The following NVL variants were observed in gnomAD, a reference collection of about 807,000 sequenced individuals.
NVL encodes nuclear valosin-containing protein-like.
A neutral mutation model predicts 110.2 loss-of-function variants in NVL; 84 were observed. That is an observed-to-expected ratio of 0.76 (90% CI 0.64 to 0.91). The LOEUF is 0.91. Among genes scored for constraint, NVL ranks in the 40% least tolerant of loss-of-function variants. The probability of loss-of-function intolerance (pLI) is 0.00; values close to 1 mark genes in which losing one functional copy is unlikely to be tolerated. For synonymous variants in NVL, 354 were observed against 361.1 expected, an observed-to-expected ratio of 0.98 and a Z score of 0.22; for missense variants, 882 against 1,035.9, an observed-to-expected ratio of 0.85 and a Z score of 2.04.
At chr1:224,231,335 G>T in intron 21 of NVL, 39 bp from the exon 22 acceptor site, 1 of 1,501,364 alleles carries the variant, frequency 6.7e-7, no homozygotes, top group Non-Finnish European at 9.2e-7. Context: ...TCTCAGTATC[G>T]TATGGTAACT....
At chr1:224,240,709 T>G (rs2102722999) in intron 19 of NVL, among the ~76,000 whole-genome samples, 1 of 152,202 alleles carries the variant, frequency 6.6e-6, no homozygotes, top group East Asian at 1.9e-4. Context: ...AGTTTCCTAA[T>G]TCTTAGAAGA....
Position 224,303,735 on chromosome 1 carries a change from A to G in NVL, c.948T>C (p.His316=), listed in dbSNP as rs747799362. The G allele has an allele frequency of 5.6e-6, 9 of 1,612,250 alleles. No individual in the cohort carries two copies. In the Admixed American group the frequency reaches 1.5e-4, roughly 27 times the overall value. Residue 316 remains histidine, a synonymous_variant, in exon 9 of 23, where the codon CAT becomes CAC. Coordinates refer to ENST00000281701, the MANE Select transcript of NVL (RefSeq NM_002533.4). ...PPGCGKTLLA[H]AIAGELDLPI... Reference sequence around the variant, plus strand: ...CAGCAAGCCTCACCCCAGCAATTGCATGTGCAAGTAATGTCTTCCCACAGC... The same window carrying G: ...CAGCAAGCCTCACCCCAGCAATTGCGTGTGCAAGTAATGTCTTCCCACAGC...
At chr1:224,319,341 T>C (rs947400582) in intron 2 of NVL, among the ~76,000 whole-genome samples, 17 of 151,616 alleles carry the variant, frequency 1.1e-4, no homozygotes, top group Non-Finnish European at 2.1e-4. Flanking sequence ...GGAGTCTCGC[T>C]CTGTGGCCCA....
Position 224,330,053 on chromosome 1 carries a change from G to A in NVL, c.57+18C>T, listed in dbSNP as rs764308442. On this transcript the variant is annotated intron_variant, in intron 1 of 22. Coordinates refer to ENST00000281701, the MANE Select transcript of NVL (RefSeq NM_002533.4). ...CGATCGGGGCCCTTGGCGAGGCCAA[G>A]CGGTGCAGAATACACACCTGGATGA... is the stretch of plus-strand genomic sequence containing the variant. 6.8e-6 allele frequency: 11 copies of A among 1,613,114 alleles called. No homozygotes were observed. Among genetic ancestry groups the A allele is most frequent in the South Asian group, 1.1e-5 (1 of 90,998 alleles).
At chr1:224,315,073 A>AAAAAAAGTGAGT (rs1168783220) in intron 4 of NVL, among the ~76,000 whole-genome samples, 1 of 137,752 alleles carries the variant, frequency 7.3e-6, no homozygotes, top group Non-Finnish European at 1.6e-5. Context: ...TTTTTTTTTT[A>AAAAAAAGTGAGT]GAGACAAGGC....
At chr1:224,302,981 T>C (rs1339519304) in intron 9 of NVL, 1 of 275,500 alleles carries the variant, frequency 3.6e-6, no homozygotes, top group Non-Finnish European at 7.3e-6. Flanking sequence ...CCTGGGAAGT[T>C]GAGGCTGTAG....
intron 9 of NVL, chr1:224,302,876 C>T (rs1249561400): frequency 1.0e-5 from 3 of 300,842 alleles, no homozygotes; most frequent in African/African-American, 2.3e-5. Flanking sequence ...TAGTGGGCTT[C>T]GTCTCTACAA....
At chr1:224,243,187 G>C (rs1349224930) in intron 19 of NVL, among the ~76,000 whole-genome samples, 1 of 151,930 alleles carries the variant, frequency 6.6e-6, no homozygotes, top group African/African-American at 2.4e-5. Context: ...AGGGCCGGGT[G>C]TAGTGGCTCA....
intron 19 of NVL, among the ~76,000 whole-genome samples, chr1:224,237,234 T>G (rs1325009172): frequency 2.0e-5 from 3 of 152,212 alleles, no homozygotes; most frequent in African/African-American, 7.2e-5. Flanking sequence ...CAATGCTTAG[T>G]GTTGGTGTGA....
At chr1:224,320,251 T>C (rs1670508849) in intron 2 of NVL, among the ~76,000 whole-genome samples, 1 of 152,176 alleles carries the variant, frequency 6.6e-6, no homozygotes, top group East Asian at 1.9e-4. Context: ...GGTTATATAA[T>C]AAAAGCCTTT....
intron 18 of NVL, among the ~76,000 whole-genome samples, chr1:224,265,634 C>T (rs988848567): frequency 2.0e-5 from 3 of 152,288 alleles, no homozygotes; most frequent in African/African-American, 7.2e-5. Context: ...CCAAATTTCA[C>T]GTGTTGGAAA....
At position 224,304,262 on chromosome 1, in the gene NVL, T is replaced by C. The variant is rs564658936; in HGVS notation, c.826-405A>G. On this transcript the variant is annotated intron_variant, in intron 8 of 22. Coordinates refer to ENST00000281701, the MANE Select transcript of NVL (RefSeq NM_002533.4). ...CAACATGGTGAAGCCCTGTCTCTAC[T>C]AAAAATACAAAAATTAGCTGGGCGT... is the stretch of plus-strand genomic sequence containing the variant. 4.6e-3 allele frequency among the ~76,000 whole-genome samples: 705 copies of C among 152,034 alleles called. 32 individuals carry two copies. Among genetic ancestry groups the C allele is most frequent in the Non-Finnish European group, 5.3e-4 (36 of 67,982 alleles).
rs1294212833 is a variant in NVL, at chr1:224,306,344, G to T, written c.616-1178C>A. On this transcript the variant is annotated intron_variant, in intron 6 of 22. Transcript: ENST00000281701. Reference sequence around the variant, plus strand: ...TGCAGTGGCACGATCTCAGCGCACTGCAAGCTCCGCCTGCCGGGTTCACGT... The same window carrying T: ...TGCAGTGGCACGATCTCAGCGCACTTCAAGCTCCGCCTGCCGGGTTCACGT... Among the ~76,000 whole-genome samples the T allele has an allele frequency of 2.0e-5, 3 of 152,070 alleles. No homozygotes were observed. The East Asian group carries it at 5.8e-4, about 29-fold the overall frequency.
intron 9 of NVL, among the ~76,000 whole-genome samples, chr1:224,301,071 A>C (rs896145327): frequency 6.6e-6 from 1 of 151,020 alleles, no homozygotes; most frequent in Non-Finnish European, 1.5e-5. Flanking sequence ...GCGCCATTGC[A>C]CTCCAGCCTG....
At position 224,330,164 on chromosome 1, in the gene NVL, C is replaced by G; in HGVS notation, c.-37G>C. 1 of 1,611,174 alleles carries G rather than the reference C, an allele frequency of 6.2e-7. No homozygotes were observed. The highest frequency in any genetic ancestry group is 8.5e-7 in the Non-Finnish European group (1 of 1,177,400). On this transcript the variant is annotated 5_prime_UTR_variant, in exon 1 of 23. Transcript: ENST00000281701. ...TCCAAGCCACAGCTCGGACCGCCAG[C>G]TCCTAGTCAACCGGGGGCCTCGTAG...
intron 15 of NVL, among the ~76,000 whole-genome samples, chr1:224,282,229 C>G (rs1019458526): frequency 3.3e-5 from 5 of 151,960 alleles, no homozygotes; most frequent in African/African-American, 1.2e-4. Flanking sequence ...CCACGCTCAG[C>G]TAATTTTTGT....
rs899005582 is a variant in NVL at position 224,286,271 on chromosome 1, T to C, written c.1795-141A>G. On this transcript the variant is annotated intron_variant, in intron 14 of 22. Coordinates refer to ENST00000281701, the MANE Select transcript of NVL (RefSeq NM_002533.4). ...ACCCAGCTAGAGTGCAGTGGTGCTA[T>C]CTTGGCTCACTGCAACTTCTGCCTC... The C allele has an allele frequency of 1.9e-5, 12 of 624,524 alleles. 1 individual carries two copies. Among genetic ancestry groups the C allele is most frequent in the Non-Finnish European group, 3.0e-5 (11 of 364,108 alleles). The allele number at this position is 624,524 out of a possible 1,614,324, so 38.7% of individuals were successfully genotyped here.
intron 18 of NVL, among the ~76,000 whole-genome samples, chr1:224,260,361 C>T (rs1014566252): frequency 3.3e-5 from 5 of 152,048 alleles, no homozygotes; most frequent in South Asian, 2.1e-4. Context: ...CGAGTTCCAG[C>T]GATTCTCCTG....
chr1:224,250,075 C>A, intron 19 of NVL, 137 bp downstream of exon 19: 1 of 728,662 alleles, frequency 1.4e-6, no homozygotes, highest in South Asian at 2.1e-5. Flanking sequence ...GTTCACCTTC[C>A]CTTTGGGAGA....
Sources: gnomAD v4.1 joint callset for allele counts (sites outside exome capture counted in the v4.1 genomes callset) on GRCh38, gnomAD v4.1.1 for gene constraint, MANE v1.5 for transcripts, NCBI Gene and HGNC (gene_info 2026-07-23, HGNC 2026-07-21) for gene names.